The following SEC24A variants were observed in gnomAD, a reference collection of about 807,000 sequenced individuals.
The protein encoded by SEC24A is SEC24 homolog A, COPII component, also known as protein transport protein Sec24A.
Under a neutral mutation model 129.4 loss-of-function variants are expected in SEC24A, and 93 were observed. The ratio of observed to expected loss-of-function variants is 0.72; its 90% CI spans 0.61 to 0.85. The LOEUF (loss-of-function observed/expected upper bound fraction) is 0.85. SEC24A is among the 40% of genes least tolerant of loss of function. The pLI, the probability that SEC24A is intolerant of heterozygous loss-of-function variation, is 0.00. For missense variants in SEC24A, 1,264 were observed against 1,307.4 expected, an observed-to-expected ratio of 0.97 and a Z score of 0.51; for synonymous variants, 460 against 467.3, an observed-to-expected ratio of 0.98 and a Z score of 0.20.
intron 1 of SEC24A, among the ~76,000 whole-genome samples, chr5:134,655,533 CAGCTACTCAGGA>C (rs1750212694): frequency 6.6e-6 from 1 of 151,438 alleles, no homozygotes; most frequent in South Asian, 2.1e-4. Flanking sequence ...CCTGTAATCC[CAGCTACTCAGGA>C]GGCCTCAGCC....
At chr5:134,688,100 C>T (rs967912674) in intron 10 of SEC24A, 81 bp from the exon 11 acceptor site, 35 of 822,406 alleles carry the variant, frequency 4.3e-5, no homozygotes, top group Middle Eastern at 2.3e-4. Flanking sequence ...TAGATATTTT[C>T]ATGTAACTCT....
chr5:134,719,265 C>T (rs1017662862), intron 20 of SEC24A, among the ~76,000 whole-genome samples: 1 of 151,490 alleles, frequency 6.6e-6, no homozygotes, highest in Non-Finnish European at 1.5e-5. Context: ...GGCTGTAGTC[C>T]CAGCAACTCA....
At chr5:134,723,512 C>A in intron 21 of SEC24A, 55 bp from the exon 22 acceptor site, 1 of 1,080,692 alleles carries the variant, frequency 9.3e-7, no homozygotes. Context: ...GTACCATAGA[C>A]CATACATTAG....
chr5:134,649,071 G>C lies in SEC24A; in HGVS notation c.-6G>C, dbSNP rs1225549125. On this transcript the variant is annotated 5_prime_UTR_variant, in exon 1 of 23. Transcript: ENST00000398844. The stretch of plus-strand genomic sequence containing the variant: ...ACCCCGACCAGCCCCTTCCAACCCA[G>C]TCATCATGTCCCAGCCGGGAATACC... The C allele has an allele frequency of 6.2e-7, 1 of 1,606,252 alleles. No homozygotes were observed. The highest frequency in any genetic ancestry group is 1.7e-4 in the Middle Eastern group (1 of 6,038).
chr5:134,701,927 C>G (rs1324118226), intron 15 of SEC24A, among the ~76,000 whole-genome samples: 1 of 152,076 alleles, frequency 6.6e-6, no homozygotes, highest in Non-Finnish European at 1.5e-5. Flanking sequence ...GAAAAGTTAA[C>G]ACAGAAAAGA....
chr5:134,661,273 G>T lies in SEC24A; in HGVS notation c.252G>T (p.Gln84His), dbSNP rs1301083320. Residue 84 changes from glutamine (Q) to histidine (H), a missense_variant, in exon 2 of 23, where the codon CAG (glutamine) becomes CAT (histidine). Physicochemically the swap from Gln to His is conservative, Grantham distance 24. Transcript: ENST00000398844. The part of the protein sequence containing the change: ...SNYGGSQGSG[Q>H]TLNRPPVASN... ...ATGGTGGTTCTCAGGGATCTGGGCA[G>T]ACTCTTAATAGACCACCTGTGGCCT... 1.4e-5 allele frequency: 22 copies of T among 1,614,130 alleles called. No individual in the cohort carries two copies. The highest frequency in any genetic ancestry group is 1.9e-5 in the Non-Finnish European group (22 of 1,180,030).
intron 1 of SEC24A, among the ~76,000 whole-genome samples, chr5:134,656,073 A>G (rs1750232298): frequency 7.1e-6 from 1 of 141,678 alleles, no homozygotes; most frequent in Non-Finnish European, 1.5e-5. Flanking sequence ...CTTTGGCTGC[A>G]GCTAAATATC....
intron 13 of SEC24A, among the ~76,000 whole-genome samples, chr5:134,694,292 G>A (rs1288478349): frequency 6.6e-6 from 1 of 152,054 alleles, no homozygotes; most frequent in East Asian, 1.9e-4. Flanking sequence ...TTGGGAGGCC[G>A]AGTTGGGCAG....
rs1045171297 is a variant in SEC24A, at chr5:134,676,129, T to C, written c.1254+4T>C. ...TCATCCTTTCAAAGACTTAGTGGTA[T>C]GTTTCTTTTCTTTTCTTTTTTTTTT... is the stretch of plus-strand genomic sequence containing the variant. On this transcript the variant is annotated splice_donor_region_variant and intron_variant, in intron 7 of 22. Transcript: ENST00000398844. The C allele has an allele frequency of 6.3e-7, 1 of 1,590,588 alleles. No individual in the cohort carries two copies. Among genetic ancestry groups the C allele is most frequent in the Non-Finnish European group, 8.5e-7 (1 of 1,170,522 alleles).
chr5:134,650,317 G>A (rs1330474244), intron 1 of SEC24A, among the ~76,000 whole-genome samples: 2 of 152,162 alleles, frequency 1.3e-5, no homozygotes, highest in East Asian at 3.9e-4. Context: ...CTGAGGATGA[G>A]AAAAAATGTT....
At chr5:134,680,307 G>C (rs1252136737) in intron 8 of SEC24A, among the ~76,000 whole-genome samples, 1 of 152,116 alleles carries the variant, frequency 6.6e-6, no homozygotes, top group African/African-American at 2.4e-5. Flanking sequence ...TGAAAGATTT[G>C]AGAAATAGAG....
chr5:134,705,230 T>A, intron 16 of SEC24A, 97 bp from the exon 17 acceptor site: 2 of 875,436 alleles, frequency 2.3e-6, no homozygotes, highest in Non-Finnish European at 3.7e-6. Flanking sequence ...GATGCACCAC[T>A]GCACCCAGCT....
At chr5:134,707,891 A>G (rs1752212585) in intron 17 of SEC24A, among the ~76,000 whole-genome samples, 1 of 152,094 alleles carries the variant, frequency 6.6e-6, no homozygotes, top group Admixed American at 6.6e-5. Context: ...ATGGCAAATG[A>G]TGAAAATCTG....
In SEC24A at chr5:134,666,511, A is replaced by G. The variant is rs76082886; in HGVS notation, c.566-312A>G. 2.0e-5 allele frequency among the ~76,000 whole-genome samples: 3 copies of G among 151,954 alleles called. No individual in the cohort carries two copies. In the East Asian group the frequency reaches 5.8e-4, roughly 29 times the overall value. On this transcript the variant is annotated intron_variant, in intron 2 of 22. Transcript: ENST00000398844. ...GGTGGAGGTTGCAGTGAACTGAGAT[A>G]GCGCTATCGCATTCCAGCCTGGGCG...
intron 3 of SEC24A, among the ~76,000 whole-genome samples, chr5:134,668,131 T>C (rs1196374763): frequency 1.3e-5 from 2 of 152,050 alleles, no homozygotes; most frequent in African/African-American, 4.8e-5. Context: ...GGAGAGCTTT[T>C]GATTTTAGCA....
intron 18 of SEC24A, among the ~76,000 whole-genome samples, chr5:134,713,870 A>C (rs1752400875): frequency 6.8e-6 from 1 of 146,396 alleles, no homozygotes; most frequent in African/African-American, 2.5e-5. Flanking sequence ...CTCTACTAAA[A>C]ATACAAAAAA....
At chr5:134,667,087 AT>A in intron 3 of SEC24A, 91 bp downstream of exon 3, 2 of 1,152,432 alleles carry the variant, frequency 1.7e-6, no homozygotes, top group Non-Finnish European at 2.4e-6. Flanking sequence ...TTAAAATCAC[AT>A]TTTTTCCAGA....
At chr5:134,707,506 T>G (rs941793884) in intron 17 of SEC24A, among the ~76,000 whole-genome samples, 1 of 151,898 alleles carries the variant, frequency 6.6e-6, no homozygotes, top group Non-Finnish European at 1.5e-5. Flanking sequence ...ATTTTTTGTA[T>G]TTTTAGTAGA....
chr5:134,715,268 T>G, intron 19 of SEC24A, 107 bp downstream of exon 19: 4 of 970,044 alleles, frequency 4.1e-6, no homozygotes, highest in Non-Finnish European at 6.0e-6. Context: ...GCTTTAGCTT[T>G]TATTTTATTT....
Sources: gnomAD v4.1 joint callset for allele counts (sites outside exome capture counted in the v4.1 genomes callset) on GRCh38, gnomAD v4.1.1 for gene constraint, MANE v1.5 for transcripts, NCBI Gene and HGNC (gene_info 2026-07-23, HGNC 2026-07-21) for gene names.